The following PLXDC2 variants were observed in gnomAD, a reference collection of about 807,000 sequenced individuals.
PLXDC2 encodes plexin domain-containing protein 2.
A neutral mutation model predicts 68.9 loss-of-function variants in PLXDC2; 40 were observed. That is an observed-to-expected ratio of 0.58 (90% confidence interval 0.45 to 0.76). PLXDC2 has a LOEUF of 0.76. Ranked by LOEUF, PLXDC2 falls within the 30% of genes least tolerant of loss-of-function variation. The pLI is 0.00. For missense variants in PLXDC2, 644 were observed against 661.9 expected, an observed-to-expected ratio of 0.97 and a Z score of 0.30; for synonymous variants, 243 against 234.2, an observed-to-expected ratio of 1.04 and a Z score of -0.34.
At chr10:20,012,479 CT>C (rs66484623) in intron 2 of PLXDC2, among the ~76,000 whole-genome samples, 7,959 of 143,660 alleles carry the variant, frequency 0.055, 259 homozygotes, top group Middle Eastern at 0.14. Context: ...CCACGCCCAG[CT>C]TTTTTTTTTT....
rs1051788765 is a variant in PLXDC2, at chr10:19,906,007, A to C, written c.112+88816A>C. Among the ~76,000 whole-genome samples the C allele has an allele frequency of 5.3e-5, 8 of 152,092 alleles. No individual in the cohort carries two copies. In the East Asian group the frequency reaches 5.8e-4, roughly 11 times the overall value. ...AAGAGATACAATAGTGGAAAAAAAA[A>C]AACAACTCAAATCTCTGCCTTGATG... On this transcript the variant is annotated intron_variant, in intron 1 of 13. Transcript: ENST00000377252.
At chr10:19,822,288 G>A (rs1836484432) in intron 1 of PLXDC2, among the ~76,000 whole-genome samples, 1 of 149,088 alleles carries the variant, frequency 6.7e-6, no homozygotes, top group South Asian at 2.1e-4. Context: ...CACTATATAT[G>A]CAATATATAT....
chr10:19,921,103 T>TTTC (rs1275777202), intron 1 of PLXDC2, among the ~76,000 whole-genome samples: 2 of 142,604 alleles, frequency 1.4e-5, no homozygotes, highest in African/African-American at 2.6e-5. Flanking sequence ...TTCTTTTTCT[T>TTTC]TTCTTCTTCT....
chr10:19,872,005 G>A (rs1837547745), intron 1 of PLXDC2, among the ~76,000 whole-genome samples: 3 of 152,162 alleles, frequency 2.0e-5, no homozygotes, highest in South Asian at 4.2e-4. Flanking sequence ...CCAGAACCTG[G>A]ATGGGTACCT....
At chr10:20,257,066 C>G (rs1407680820) in intron 13 of PLXDC2, among the ~76,000 whole-genome samples, 1 of 152,078 alleles carries the variant, frequency 6.6e-6, no homozygotes, top group Admixed American at 6.5e-5. Flanking sequence ...CTGGATGGAT[C>G]TGAGGAAGGG....
chr10:20,085,086 G>A (rs1833172687), intron 4 of PLXDC2, among the ~76,000 whole-genome samples: 1 of 151,514 alleles, frequency 6.6e-6, no homozygotes, highest in African/African-American at 2.4e-5. Flanking sequence ...GAGTTGCTGG[G>A]TTGTTTTGTC....
intron 13 of PLXDC2, among the ~76,000 whole-genome samples, chr10:20,273,236 GTT>G (rs1434489772): frequency 6.6e-6 from 1 of 151,726 alleles, no homozygotes; most frequent in Non-Finnish European, 1.5e-5. Context: ...TCTGTTTCCC[GTT>G]TTTTATGGCA....
chr10:20,074,916 AT>A lies in PLXDC2; in HGVS notation c.541+6678del, dbSNP rs1437029967. Among the ~76,000 whole-genome samples the A allele has an allele frequency of 2.0e-5, 3 of 151,022 alleles. No homozygotes were observed. In the East Asian group the frequency reaches 5.8e-4, roughly 29 times the overall value. On this transcript the variant is annotated intron_variant, in intron 4 of 13. Coordinates refer to ENST00000377252, the MANE Select transcript of PLXDC2 (RefSeq NM_032812.9). ...ACAGGTTATGGTAATCTGGAGATCT[AT>A]GTGTTATGGAAGATACTAAAGAGAT... is the stretch of plus-strand genomic sequence containing the variant.
intron 1 of PLXDC2, among the ~76,000 whole-genome samples, chr10:19,973,374 A>G (rs1370006781): frequency 1.3e-5 from 2 of 148,962 alleles, no homozygotes; most frequent in Admixed American, 1.3e-4. Flanking sequence ...GTATACATAT[A>G]TATGTGAATA....
intron 3 of PLXDC2, among the ~76,000 whole-genome samples, chr10:20,057,844 G>A (rs1378878355): frequency 1.3e-5 from 2 of 151,836 alleles, no homozygotes; most frequent in Admixed American, 1.3e-4. Context: ...GCTGTGTTGA[G>A]AAGCATCAAA....
chr10:20,038,047 A>G (rs1835610496), intron 2 of PLXDC2, among the ~76,000 whole-genome samples: 2 of 152,090 alleles, frequency 1.3e-5, no homozygotes, highest in African/African-American at 4.8e-5. Flanking sequence ...GATTGAGGCT[A>G]ACATGGTGAA....
chr10:20,007,670 C>T (rs958084936), intron 2 of PLXDC2, among the ~76,000 whole-genome samples: 39 of 152,224 alleles, frequency 2.6e-4, no homozygotes, highest in Non-Finnish European at 3.7e-4. Flanking sequence ...TACAAATCAC[C>T]TGGGAATCTG....
rs1836072131 is a variant in PLXDC2 at position 20,280,806 on chromosome 10, T to C, written c.*987T>C. On this transcript the variant is annotated 3_prime_UTR_variant, in exon 14 of 14. Coordinates refer to ENST00000377252, the MANE Select transcript of PLXDC2 (RefSeq NM_032812.9). ...ACTAAACACCCATTTCATTGCTGAT[T>C]CCTGTCTAAGAAGCCATTCACGTCA... 6.6e-6 allele frequency: 1 copy of C among 152,092 alleles called. No individual in the cohort carries two copies. Among genetic ancestry groups the C allele is most frequent in the Non-Finnish European group, 1.5e-5 (1 of 68,002 alleles). The allele number at this position is 152,092 out of a possible 1,614,324, so 9.4% of individuals were successfully genotyped here.
intron 1 of PLXDC2, among the ~76,000 whole-genome samples, chr10:19,994,286 C>G (rs957962883): frequency 4.2e-5 from 2 of 47,322 alleles, no homozygotes; most frequent in Non-Finnish European, 9.0e-5. Context: ...TAACCATTTT[C>G]TCTGACTACT....
chr10:20,013,858 G>A (rs992298411), intron 2 of PLXDC2, among the ~76,000 whole-genome samples: 1 of 151,888 alleles, frequency 6.6e-6, no homozygotes, highest in African/African-American at 2.4e-5. Flanking sequence ...TTTCTTTTAC[G>A]AGTAAATGAG....
intron 7 of PLXDC2, among the ~76,000 whole-genome samples, chr10:20,165,649 T>C (rs540943933): frequency 6.6e-6 from 1 of 152,312 alleles, no homozygotes; most frequent in African/African-American, 2.4e-5. Context: ...TAAAGGAAGA[T>C]GAAAGAAAAG....
chr10:20,210,063 A>G (rs1835048734), intron 9 of PLXDC2, among the ~76,000 whole-genome samples: 1 of 152,168 alleles, frequency 6.6e-6, no homozygotes, highest in South Asian at 2.1e-4. Flanking sequence ...GATTTTACAT[A>G]AAAGAGACAA....
chr10:20,135,706 A>G (rs1833924817), intron 4 of PLXDC2, among the ~76,000 whole-genome samples: 1 of 152,164 alleles, frequency 6.6e-6, no homozygotes, highest in Non-Finnish European at 1.5e-5. Flanking sequence ...AATTTTATGA[A>G]CATAATTTGC....
intron 1 of PLXDC2, among the ~76,000 whole-genome samples, chr10:19,854,973 A>G (rs995502079): frequency 3.3e-5 from 5 of 152,340 alleles, no homozygotes; most frequent in Non-Finnish European, 7.3e-5. Flanking sequence ...TCTCAATTTG[A>G]AGAAATCTCC....
Sources: gnomAD v4.1 joint callset for allele counts (sites outside exome capture counted in the v4.1 genomes callset) on GRCh38, gnomAD v4.1.1 for gene constraint, MANE v1.5 for transcripts, NCBI Gene and HGNC (gene_info 2026-07-23, HGNC 2026-07-21) for gene names.